ADCY8: variants seen among roughly 807,000 people sequenced by gnomAD.
The protein encoded by ADCY8 is adenylate cyclase type 8.
In ADCY8, 51 loss-of-function variants were observed where a neutral mutation model predicts 119.7. That is an observed-to-expected ratio of 0.43 (90% CI 0.34 to 0.54). The LOEUF (loss-of-function observed/expected upper bound fraction) is 0.54. Among genes scored for constraint, ADCY8 ranks in the 20% least tolerant of loss-of-function variants. ADCY8 has a pLI of 0.03. For synonymous variants in ADCY8, 665 were observed against 651.0 expected (o/e 1.02, Z -0.33); for missense variants, 1,383 against 1,598.8 (o/e 0.87, Z 2.30).
intron 8 of ADCY8, among the ~76,000 whole-genome samples, chr8:130,884,315 G>A (rs142523996): frequency 2.6e-5 from 4 of 152,278 alleles, no homozygotes; most frequent in African/African-American, 9.6e-5. Context: ...AGTTAAAGGA[G>A]TCTTTGTTCT....
intron 8 of ADCY8, among the ~76,000 whole-genome samples, chr8:130,881,901 T>C (rs1186674304): frequency 6.6e-6 from 1 of 151,874 alleles, no homozygotes; most frequent in African/African-American, 2.4e-5. Flanking sequence ...AGCAAACCTA[T>C]GCAGATTCCA....
intron 1 of ADCY8, among the ~76,000 whole-genome samples, chr8:131,021,618 G>A (rs1563771398): frequency 6.6e-6 from 1 of 152,138 alleles, no homozygotes; most frequent in Non-Finnish European, 1.5e-5. Flanking sequence ...ATTTAATCAT[G>A]GGAGCAGTTA....
intron 9 of ADCY8, among the ~76,000 whole-genome samples, chr8:130,858,234 A>T (rs1027685987): frequency 1.3e-5 from 2 of 152,208 alleles, no homozygotes; most frequent in African/African-American, 4.8e-5. Flanking sequence ...AGGTATGCTC[A>T]TGGATGCTGA....
chr8:130,959,050 T>C (rs1237481207), intron 2 of ADCY8, among the ~76,000 whole-genome samples: 1 of 152,222 alleles, frequency 6.6e-6, no homozygotes, highest in African/African-American at 2.4e-5. Flanking sequence ...AACTGATCCT[T>C]GTCTTTTCAG....
rs768754560 is a variant in ADCY8, at chr8:130,849,704, G to T, written c.2310C>A (p.Ile770=). The T allele has an allele frequency of 1.9e-6, 3 of 1,614,032 alleles. No homozygotes were observed. The highest frequency in any genetic ancestry group is 2.5e-6 in the Non-Finnish European group (3 of 1,179,936). ...TAATCCAACAGCAAGTTTTCCGGAG[G>T]ATGAGGGGCAAACATTTATAATCCT... ...TAEDYKCLPL[I]LRKTCCWINE... The change falls in exon 10 of 18, where the codon ATC becomes ATA. Residue 770 remains isoleucine (I), a synonymous_variant. Coordinates refer to ENST00000286355, the MANE Select transcript of ADCY8 (RefSeq NM_001115.3).
chr8:130,991,445 A>G (rs756651435), intron 1 of ADCY8, among the ~76,000 whole-genome samples: 2 of 152,222 alleles, frequency 1.3e-5, no homozygotes, highest in Admixed American at 6.5e-5. Flanking sequence ...TTGTTTTATA[A>G]CCTCTTATCT....
At chr8:130,920,717 G>C (rs1165448945) in intron 5 of ADCY8, among the ~76,000 whole-genome samples, 1 of 152,214 alleles carries the variant, frequency 6.6e-6, no homozygotes, top group Non-Finnish European at 1.5e-5. Context: ...CACCAGGCTA[G>C]ATGTTGCTGG....
At chr8:130,928,008 G>T (rs77367898) in intron 5 of ADCY8, among the ~76,000 whole-genome samples, 8,717 of 152,216 alleles carry the variant, frequency 0.057, 787 homozygotes, top group African/African-American at 0.2. Flanking sequence ...GAAACTCCTG[G>T]TCTCAAGGAC....
chr8:130,992,920 A>G (rs1242145005), intron 1 of ADCY8, among the ~76,000 whole-genome samples: 2 of 152,174 alleles, frequency 1.3e-5, no homozygotes, highest in African/African-American at 4.8e-5. Flanking sequence ...CAAACCCTAC[A>G]TAGGTTAACT....
At chr8:130,894,179 C>T (rs1356993266) in intron 7 of ADCY8, among the ~76,000 whole-genome samples, 1 of 152,100 alleles carries the variant, frequency 6.6e-6, no homozygotes, top group Non-Finnish European at 1.5e-5. Flanking sequence ...CTTCAAGAAT[C>T]CAGCATCTCT....
chr8:130,795,380 G>A (rs563288410), intron 15 of ADCY8, among the ~76,000 whole-genome samples: 4 of 152,330 alleles, frequency 2.6e-5, no homozygotes, highest in African/African-American at 9.6e-5. Flanking sequence ...AGACACACAT[G>A]AGAGCAATAG....
intron 5 of ADCY8, among the ~76,000 whole-genome samples, chr8:130,936,008 C>T (rs1378960842): frequency 3.3e-5 from 5 of 151,348 alleles, no homozygotes; most frequent in African/African-American, 1.2e-4. Context: ...TTACAAACAG[C>T]CCATGGTCTT....
Position 130,990,489 on chromosome 8 carries a change from G to C in ADCY8, c.1014C>G (p.Ile338Met). 6.2e-7 allele frequency: 1 copy of C among 1,614,176 alleles called. No homozygotes were observed. The highest frequency in any genetic ancestry group is 8.5e-7 in the Non-Finnish European group (1 of 1,180,012). Reference sequence around the variant, plus strand: ...GCTGGGCCCGGTCTGACAGGTAACTGATGAAGATTCCAGCTGTGTTCATAC... The same window carrying C: ...GCTGGGCCCGGTCTGACAGGTAACTCATGAAGATTCCAGCTGTGTTCATAC... Reference protein sequence around the residue: ...FMCMNTAGIFISYLSDRAQRQ... With the variant: ...FMCMNTAGIFMSYLSDRAQRQ... Residue 338 changes from isoleucine to methionine, a missense_variant, in exon 2 of 18, where the codon ATC (isoleucine) becomes ATG (methionine). Coordinates refer to ENST00000286355, the MANE Select transcript of ADCY8 (RefSeq NM_001115.3).
At position 130,910,283 on chromosome 8, in the gene ADCY8, C is replaced by T. The variant is rs377571532; in HGVS notation, c.1482-417G>A. 2.0e-4 allele frequency among the ~76,000 whole-genome samples: 30 copies of T among 152,296 alleles called. 1 individual carries two copies. In the East Asian group the frequency reaches 3.9e-3, roughly 20 times the overall value. ...CCAAAACCTGCTCTGTAACCTCTGTCTTAGGGAATGGCACCAGCATCTTTT... is the reference window on the plus strand; with the variant it reads ...CCAAAACCTGCTCTGTAACCTCTGTTTTAGGGAATGGCACCAGCATCTTTT... On this transcript the variant is annotated intron_variant, in intron 5 of 17. Coordinates refer to ENST00000286355, the MANE Select transcript of ADCY8 (RefSeq NM_001115.3).
intron 4 of ADCY8, among the ~76,000 whole-genome samples, chr8:130,939,093 A>ATACAT (rs1820880170): frequency 6.8e-6 from 1 of 146,660 alleles, no homozygotes; most frequent in African/African-American, 2.5e-5. Context: ...TGTAGGGTAC[A>ATACAT]TTTTTTTTTT....
intron 13 of ADCY8, among the ~76,000 whole-genome samples, chr8:130,820,666 C>A (rs1816480484): frequency 6.6e-6 from 1 of 152,146 alleles, no homozygotes; most frequent in South Asian, 2.1e-4. Flanking sequence ...GGAGACTGGA[C>A]CAGAGCTGGG....
Position 130,894,505 on chromosome 8 carries a change from A to G in ADCY8, c.1911+9267T>C, listed in dbSNP as rs367545579. The stretch of plus-strand genomic sequence containing the variant: ...ATCTCACAGTGTGACATGATTCTTT[A>G]GGGGACTAAAGGTAACATAAAAGTC... On this transcript the variant is annotated intron_variant, in intron 7 of 17. Coordinates refer to ENST00000286355, the MANE Select transcript of ADCY8 (RefSeq NM_001115.3). 6.6e-5 allele frequency among the ~76,000 whole-genome samples: 10 copies of G among 152,254 alleles called. 1 individual carries two copies. In the East Asian group the frequency reaches 1.4e-3, roughly 21 times the overall value.
intron 1 of ADCY8, among the ~76,000 whole-genome samples, chr8:130,991,931 G>A (rs1822591463): frequency 1.3e-5 from 2 of 151,658 alleles, no homozygotes; most frequent in South Asian, 4.1e-4. Flanking sequence ...TTTCAGAACT[G>A]AAAAAGAAAA....
intron 7 of ADCY8, among the ~76,000 whole-genome samples, chr8:130,887,971 A>T (rs1452588819): frequency 6.6e-6 from 1 of 152,144 alleles, no homozygotes; most frequent in Non-Finnish European, 1.5e-5. Flanking sequence ...GGAATGAGCT[A>T]TTTTTAATAG....
Sources: gnomAD v4.1 joint callset for allele counts (sites outside exome capture counted in the v4.1 genomes callset) on GRCh38, gnomAD v4.1.1 for gene constraint, MANE v1.5 for transcripts, NCBI Gene and HGNC (gene_info 2026-07-23, HGNC 2026-07-21) for gene names.